The following INO80 variants were observed in gnomAD, a reference collection of about 807,000 sequenced individuals.
The protein encoded by INO80 is INO80 complex ATPase subunit.
A neutral mutation model predicts 203.4 loss-of-function variants in INO80; 20 were observed. The observed-to-expected ratio is 0.10, with a 90% confidence interval of 0.07 to 0.14. INO80 has a LOEUF of 0.14. INO80 is among the 10% of genes least tolerant of loss of function. INO80 has a pLI of 1.00. For missense variants in INO80, 1,419 were observed against 1,914.4 expected (o/e 0.74, Z 4.83); for synonymous variants, 726 against 685.2 (o/e 1.06, Z -0.93).
At chr15:40,990,688 C>G (rs1356885479) in intron 29 of INO80, among the ~76,000 whole-genome samples, 1 of 152,168 alleles carries the variant, frequency 6.6e-6, no homozygotes, top group Non-Finnish European at 1.5e-5. Context: ...AGGAACTTAA[C>G]AAACCTGACC....
At chr15:41,061,632 A>G (rs558497968) in intron 14 of INO80, among the ~76,000 whole-genome samples, 5 of 152,032 alleles carry the variant, frequency 3.3e-5, no homozygotes, top group African/African-American at 7.2e-5. Flanking sequence ...CAAAAAAATA[A>G]ATAAAATAAA....
chr15:41,115,997 G>A lies in INO80; in HGVS notation c.-68C>T, dbSNP rs1219570008. On this transcript the variant is annotated 5_prime_UTR_variant, in exon 1 of 36. Coordinates refer to ENST00000648947, the MANE Select transcript of INO80 (RefSeq NM_017553.3). ...CCTCGGGCCGCCTGGCCCCGCCGCC[G>A]CGACGGCGGCGGAGGGGGGGCGGGG... 2.6e-6 allele frequency: 1 copy of A among 387,146 alleles called. No individual in the cohort carries two copies. Among genetic ancestry groups the A allele is most frequent in the East Asian group, 3.7e-5 (1 of 27,060 alleles). 24.0% of individuals were successfully genotyped at this position (387,146 alleles called of 1,614,324 possible). A position where few individuals can be genotyped will look rare whatever the true frequency, so the allele number is the denominator to read the frequency against.
chr15:40,990,112 TA>T (rs990443560), intron 29 of INO80, among the ~76,000 whole-genome samples: 271 of 145,290 alleles, frequency 1.9e-3, no homozygotes, highest in Middle Eastern at 3.6e-3. Flanking sequence ...CACTGAATTC[TA>T]AAAAAAAAAA....
chr15:41,097,016 T>A (rs1276679644), intron 1 of INO80, among the ~76,000 whole-genome samples: 1 of 151,376 alleles, frequency 6.6e-6, no homozygotes, highest in East Asian at 1.9e-4. Flanking sequence ...AACATTAGGG[T>A]CAGAACATCT....
chr15:41,076,429 C>T (rs76234426), intron 9 of INO80, among the ~76,000 whole-genome samples: 19 of 150,774 alleles, frequency 1.3e-4, no homozygotes, highest in Admixed American at 6.6e-5. Flanking sequence ...CTACAAAAAA[C>T]GAATATAGAC....
intron 27 of INO80, among the ~76,000 whole-genome samples, chr15:41,010,400 T>A (rs1367806695): frequency 6.6e-6 from 1 of 152,198 alleles, no homozygotes; most frequent in East Asian, 1.9e-4. Context: ...CACCTCCTTT[T>A]TAAATTTTTT....
chr15:41,058,499 A>T (rs2140554304), intron 16 of INO80, 140 bp downstream of exon 16: 1 of 817,224 alleles, frequency 1.2e-6, no homozygotes, highest in Middle Eastern at 3.8e-4. Context: ...TGTCTCTATT[A>T]AAAAAATTAA....
At chr15:40,983,107 GAAA>G (rs367733180) in intron 34 of INO80, 30 bp from the exon 35 acceptor site, 125 of 1,176,748 alleles carry the variant, frequency 1.1e-4, no homozygotes, top group African/African-American at 8.3e-4. Flanking sequence ...AAAAGGGAAA[GAAA>G]AAAAAAAAAA....
intron 5 of INO80, among the ~76,000 whole-genome samples, chr15:41,089,337 G>A (rs2045602217): frequency 1.3e-5 from 2 of 152,186 alleles, no homozygotes; most frequent in Admixed American, 6.6e-5. Context: ...AGGTTTATAA[G>A]GTTCAGAATA....
chr15:41,107,075 A>C (rs1009109941), intron 1 of INO80, among the ~76,000 whole-genome samples: 1 of 152,248 alleles, frequency 6.6e-6, no homozygotes, highest in African/African-American at 2.4e-5. Context: ...TACTTAAATC[A>C]GCACCTTCCT....
chr15:41,092,116 GTTC>G lies in INO80; in HGVS notation c.445_447del (p.Glu149del), dbSNP rs758372940. ...TGAAGTTCTTCTCTGCTGAGATTGA[GTTC>G]TTCTTCATCATCGTCTTCACTCTGA... is the stretch of plus-strand genomic sequence containing the variant. On this transcript the variant is annotated inframe_deletion, in exon 5 of 36. Coordinates refer to ENST00000648947, the MANE Select transcript of INO80 (RefSeq NM_017553.3). The G allele has an allele frequency of 7.4e-6, 12 of 1,611,960 alleles. No homozygotes were observed. Among genetic ancestry groups the G allele is most frequent in the African/African-American group, 1.3e-5 (1 of 74,894 alleles).
intron 1 of INO80, among the ~76,000 whole-genome samples, chr15:41,108,606 A>G (rs2045916297): frequency 6.6e-6 from 1 of 151,474 alleles, no homozygotes; most frequent in African/African-American, 2.4e-5. Context: ...AAAAAAAAAA[A>G]AAAAGGAAAA....
At chr15:41,089,611 C>T (rs1006705021) in intron 5 of INO80, among the ~76,000 whole-genome samples, 2 of 152,124 alleles carry the variant, frequency 1.3e-5, no homozygotes, top group South Asian at 2.1e-4. Flanking sequence ...GGCGCAGTGG[C>T]GCATGCCTGT....
rs551744270 is a variant in INO80, at chr15:41,059,121, T to TTTTTA, written c.1843-345_1843-341dup. ...CATATACCACCATGCCCGGCTAATT[T>TTTTTA]TTTTATTTTATTTTATTTTATGTAG... On this transcript the variant is annotated intron_variant, in intron 15 of 35. Transcript: ENST00000648947. 1.3e-4 allele frequency among the ~76,000 whole-genome samples: 20 copies of TTTTTA among 151,868 alleles called. 1 individual carries two copies. The highest frequency in any genetic ancestry group is 1.0e-3 in the South Asian group (5 of 4,790).
At chr15:41,082,015 C>T (rs1028582094) in intron 7 of INO80, among the ~76,000 whole-genome samples, 1 of 151,188 alleles carries the variant, frequency 6.6e-6, no homozygotes, top group East Asian at 2.0e-4. Context: ...TTTGGGAGGC[C>T]GAGGCGGGTG....
chr15:41,058,519 C>A (rs1304384959), intron 16 of INO80, 120 bp downstream of exon 16: 2 of 935,846 alleles, frequency 2.1e-6, no homozygotes, highest in Non-Finnish European at 3.0e-6. Context: ...AATAAAACTT[C>A]TCATATCTTG....
At chr15:41,025,111 G>A (rs1028090358) in intron 25 of INO80, among the ~76,000 whole-genome samples, 3 of 152,200 alleles carry the variant, frequency 2.0e-5, no homozygotes, top group Non-Finnish European at 4.4e-5. Context: ...TCAGCCAAAC[G>A]ATAAAAGCTT....
rs764075160 is a variant in INO80 at position 40,984,276 on chromosome 15, G to C, written c.3998C>G (p.Ala1333Gly). 8 of 1,614,038 alleles carry C rather than the reference G, an allele frequency of 5.0e-6. No homozygotes were observed. In the Admixed American group the frequency reaches 1.0e-4, roughly 20 times the overall value. Residue 1333 changes from alanine to glycine, a missense_variant, in exon 33 of 36, where the codon GCT (alanine) becomes GGT (glycine). By Grantham distance (60) the Ala-to-Gly change is moderately conservative (BLOSUM62 0). Around this residue, in one of 9 missense-constraint regions of INO80, gnomAD observed 214 missense variants for 248.9 expected, o/e 0.86. Coordinates refer to ENST00000648947, the MANE Select transcript of INO80 (RefSeq NM_017553.3). Reference protein sequence around the residue: ...VNLVIPFVPSADNSNLSADGD... With the variant: ...VNLVIPFVPSGDNSNLSADGD... ...GTCAGCAGAGAGGTTGGAGTTATCAGCCGAGGGAACAAATGGGATCACCAG... is the reference window on the plus strand; with the variant it reads ...GTCAGCAGAGAGGTTGGAGTTATCACCCGAGGGAACAAATGGGATCACCAG...
rs1212310541 is a variant in INO80, at chr15:40,982,976, C to T, written c.4339G>A (p.Gly1447Ser). 6.2e-7 allele frequency: 1 copy of T among 1,614,214 alleles called. No homozygotes were observed. Among genetic ancestry groups the T allele is most frequent in the Admixed American group, 1.7e-5 (1 of 60,026 alleles). ...CCTGCCGTGGACTTTCGGCTCCGGC[C>T]CTTCCCTGCTCCTTTGGCTGTGCTT... ...SGSTAKGAGKGRSRKSTAGSA... is the reference protein window; with the variant it reads ...SGSTAKGAGKSRSRKSTAGSA... The change falls in exon 35 of 36, where the codon GGC becomes AGC. Residue 1447 changes from glycine (G) to serine (S), a missense_variant. Physicochemically the swap from Gly to Ser is moderately conservative, Grantham distance 56 (BLOSUM62 0). Around this residue, in one of 9 missense-constraint regions of INO80, gnomAD observed 214 missense variants for 248.9 expected, o/e 0.86. Coordinates refer to ENST00000648947, the MANE Select transcript of INO80 (RefSeq NM_017553.3).
Sources: gnomAD v4.1 joint callset for allele counts (sites outside exome capture counted in the v4.1 genomes callset) on GRCh38, gnomAD v4.1.1 for gene constraint, gnomAD v4.1.1 regional missense constraint, MANE v1.5 for transcripts, NCBI Gene and HGNC (gene_info 2026-07-23, HGNC 2026-07-21) for gene names.